Variants in DACH2 observed in about 807,000 individuals in gnomAD.
The protein encoded by DACH2 is dachshund family transcription factor 2.
Under a neutral mutation model 35.8 loss-of-function variants are expected in DACH2, and 17 were observed. The observed-to-expected ratio is 0.48, with a 90% CI of 0.33 to 0.71. DACH2 has a LOEUF of 0.71. Ranked by LOEUF, DACH2 falls within the 30% of genes least tolerant of loss-of-function variation. DACH2 has a pLI of 0.02. For synonymous variants in DACH2, 195 were observed against 177.3 expected (o/e 1.10, Z -0.79); for missense variants, 469 against 472.7 (o/e 0.99, Z 0.07).
intron 5 of DACH2, among the ~76,000 whole-genome samples, chrX:86,705,583 T>A (rs2041207015): frequency 9.0e-6 from 1 of 111,103 alleles, no homozygotes; most frequent in African/African-American, 3.3e-5. Flanking sequence ...TTAAAATTTT[T>A]AAAAAATATA....
intron 3 of DACH2, among the ~76,000 whole-genome samples, chrX:86,629,361 G>A (rs918467248): frequency 1.8e-5 from 2 of 110,965 alleles, no homozygotes; most frequent in African/African-American, 6.6e-5. Flanking sequence ...GTCAGGGCTG[G>A]AAATTCCTTA....
chrX:86,198,451 T>C (rs4828366), intron 1 of DACH2, among the ~76,000 whole-genome samples: 45,538 of 109,931 alleles, frequency 0.41, 7,871 homozygotes, highest in Non-Finnish European at 0.55. Context: ...ATTGGGACAG[T>C]TGAAACCATT....
intron 6 of DACH2, among the ~76,000 whole-genome samples, chrX:86,725,184 A>C (rs184825010): frequency 1.5e-3 from 172 of 111,246 alleles, no homozygotes; most frequent in African/African-American, 5.2e-3. Context: ...GTCATTCAGT[A>C]ATTTCATTTT....
intron 6 of DACH2, among the ~76,000 whole-genome samples, chrX:86,717,703 G>A (rs1015945287): frequency 9.6e-6 from 1 of 104,314 alleles, no homozygotes; most frequent in Non-Finnish European, 1.9e-5. Context: ...ATATTAAAAA[G>A]CAAACCTGGG....
chrX:86,641,820 A>C (rs1385262801), intron 3 of DACH2, among the ~76,000 whole-genome samples: 1 of 112,149 alleles, frequency 8.9e-6, no homozygotes, highest in Admixed American at 9.4e-5. Context: ...TCTTAAAGAA[A>C]AAAATCTTCA....
intron 1 of DACH2, among the ~76,000 whole-genome samples, chrX:86,338,737 T>C (rs1216373966): frequency 2.7e-5 from 3 of 110,917 alleles, no homozygotes; most frequent in Admixed American, 1.9e-4. Context: ...CTGAAGGAGA[T>C]AGAGACATGA....
intron 2 of DACH2, among the ~76,000 whole-genome samples, chrX:86,402,491 A>G (rs1017955134): frequency 9.0e-6 from 1 of 111,570 alleles, no homozygotes; most frequent in Admixed American, 9.6e-5. Context: ...TAATATCTCT[A>G]CAAGGAGAAA....
At chrX:86,294,329 A>T (rs926300594) in intron 1 of DACH2, among the ~76,000 whole-genome samples, 6 of 109,351 alleles carry the variant, frequency 5.5e-5, no homozygotes, top group Non-Finnish European at 9.5e-5. Context: ...ATTCTTCTAA[A>T]TTTTTTTCAA....
intron 1 of DACH2, among the ~76,000 whole-genome samples, chrX:86,342,960 C>T (rs2035437363): frequency 9.0e-6 from 1 of 111,605 alleles, no homozygotes; most frequent in African/African-American, 3.3e-5. Flanking sequence ...TGATTCTTAG[C>T]ATTTTAAAGC....
At chrX:86,823,342 T>G (rs1194363068) in intron 11 of DACH2, among the ~76,000 whole-genome samples, 1 of 112,448 alleles carries the variant, frequency 8.9e-6, no homozygotes, top group African/African-American at 3.2e-5. Flanking sequence ...TAACATTACC[T>G]TTTGGAAATT....
intron 1 of DACH2, among the ~76,000 whole-genome samples, chrX:86,303,416 A>G (rs1399379711): frequency 9.1e-6 from 1 of 110,216 alleles, no homozygotes; most frequent in Non-Finnish European, 1.9e-5. Flanking sequence ...AAAAAGCAAT[A>G]TGGGTCCAAA....
intron 2 of DACH2, among the ~76,000 whole-genome samples, chrX:86,410,553 CT>C (rs2036594021): frequency 9.0e-6 from 1 of 111,272 alleles, no homozygotes; most frequent in African/African-American, 3.3e-5. Flanking sequence ...TTTCACAAGC[CT>C]TCCCAAAAAC....
intron 1 of DACH2, among the ~76,000 whole-genome samples, chrX:86,186,007 A>G (rs930827363): frequency 8.9e-6 from 1 of 112,563 alleles, no homozygotes; most frequent in African/African-American, 3.2e-5. Flanking sequence ...CAAGTTATTT[A>G]TTGCTAGTAT....
chrX:86,803,973 G>C (rs1013290983), intron 7 of DACH2, among the ~76,000 whole-genome samples: 1 of 111,190 alleles, frequency 9.0e-6, no homozygotes. Flanking sequence ...AACACACCTT[G>C]TAAAGCATTT....
At chrX:86,401,015 G>T (rs1288255413) in intron 2 of DACH2, among the ~76,000 whole-genome samples, 1 of 112,375 alleles carries the variant, frequency 8.9e-6, no homozygotes, top group African/African-American at 3.2e-5. Flanking sequence ...CTTGAGCTGT[G>T]GTGGACTCCA....
chrX:86,257,477 G>C (rs751024541), intron 1 of DACH2, among the ~76,000 whole-genome samples: 6 of 111,367 alleles, frequency 5.4e-5, no homozygotes, highest in African/African-American at 2.0e-4. Flanking sequence ...GTGTGATCTT[G>C]GTTCACTGCA....
chrX:86,730,766 C>T (rs952331155), intron 6 of DACH2, among the ~76,000 whole-genome samples: 5 of 111,604 alleles, frequency 4.5e-5, no homozygotes, highest in Non-Finnish European at 9.4e-5. Flanking sequence ...CTTTTATGCC[C>T]TATGAGACCA....
chrX:86,667,459 GAA>G (rs2040691819), intron 4 of DACH2, among the ~76,000 whole-genome samples: 1 of 96,095 alleles, frequency 1.0e-5, no homozygotes, highest in Non-Finnish European at 2.0e-5. Flanking sequence ...GAGAAAGAAA[GAA>G]TGAATGAAAG....
intron 7 of DACH2, among the ~76,000 whole-genome samples, chrX:86,784,394 A>G (rs751702084): frequency 9.0e-6 from 1 of 111,608 alleles, no homozygotes; most frequent in Non-Finnish European, 1.9e-5. Context: ...AACACCATCA[A>G]TTATTAGAGA....
Sources: allele counts gnomAD v4.1 joint callset (sites outside exome capture counted in the v4.1 genomes callset), GRCh38; gene constraint gnomAD v4.1.1; transcripts MANE v1.5; gene names NCBI Gene and HGNC (gene_info 2026-07-23, HGNC 2026-07-21).